PDE5A: variants seen among roughly 807,000 people sequenced by gnomAD.
The protein encoded by PDE5A is cGMP-specific 3',5'-cyclic phosphodiesterase.
PDE5A carries 67 observed loss-of-function variants against 110.2 expected under a neutral mutation model. The observed-to-expected ratio is 0.61, with a 90% CI of 0.50 to 0.75. The LOEUF (loss-of-function observed/expected upper bound fraction) is 0.75, where lower values mean the gene tolerates loss of function less well. Ranked by LOEUF, PDE5A falls within the 30% of genes least tolerant of loss-of-function variation. The pLI, the probability that PDE5A is intolerant of heterozygous loss-of-function variation, is 0.00. For missense variants in PDE5A, 862 were observed against 1,045.1 expected (o/e 0.82, Z 2.42); for synonymous variants, 328 against 351.2 (o/e 0.93, Z 0.74).
rs768513080 is a variant in PDE5A at position 119,511,027 on chromosome 4, AC to A, written c.2088+19del. Reference sequence around the variant, plus strand: ...TAAAGCTCTCTTTTAAAATTCCACAACAATAAATTAGGTACTTACTGGACTA... The same window carrying A: ...TAAAGCTCTCTTTTAAAATTCCACAAAATAAATTAGGTACTTACTGGACTA... On this transcript the variant is annotated intron_variant, in intron 15 of 20. Transcript: ENST00000354960. 1.0e-5 allele frequency: 14 copies of A among 1,341,440 alleles called. No homozygotes were observed. The highest frequency in any genetic ancestry group is 1.9e-4 in the Middle Eastern group (1 of 5,334). The allele number at this position is 1,341,440 out of a possible 1,614,324, so 83.1% of individuals were successfully genotyped here.
chr4:119,607,235 A>G lies in PDE5A; in HGVS notation c.215T>C (p.Ile72Thr), dbSNP rs1282297865. The G allele has an allele frequency of 1.9e-6, 3 of 1,613,970 alleles. No individual in the cohort carries two copies. In the Admixed American group the frequency reaches 5.0e-5, roughly 27 times the overall value. Reference protein sequence around the residue: ...VHTIPVCKEGIRGHTESCSCP... With the variant: ...VHTIPVCKEGTRGHTESCSCP... ...AGAGCAAGATTCGGTGTGGCCTCTG[A>G]TACCTTCCTTGCACACAGGGATGGT... The change falls in exon 2 of 21, where the codon ATC (isoleucine) becomes ACC (threonine). Residue 72 changes from isoleucine to threonine, a missense_variant. Transcript: ENST00000354960.
Position 119,577,312 on chromosome 4 carries a change from G to C in PDE5A, c.832-10168C>G, listed in dbSNP as rs150358528. On this transcript the variant is annotated intron_variant, in intron 3 of 20. Transcript: ENST00000354960. ...AACCATTCCAAACAACAGAAAAAGA[G>C]GGAATCCTCCCTAACTCATTTTATG... Among the ~76,000 whole-genome samples the C allele has an allele frequency of 7.7e-3, 1,173 of 152,266 alleles. 19 individuals carry two copies. The highest frequency in any genetic ancestry group is 0.027 in the African/African-American group (1,112 of 41,560).
chr4:119,627,100 C>T lies in PDE5A; in HGVS notation c.152+1420G>A. The T allele has an allele frequency of 6.2e-7, 1 of 1,606,800 alleles. No homozygotes were observed. Among genetic ancestry groups the T allele is most frequent in the South Asian group, 1.1e-5 (1 of 90,046 alleles). ...ACCACCCAGCACCCGAGACCCGCCG[C>T]GCCCCCGGAAAAAGTGGGAAGGGAC... On this transcript the variant is annotated intron_variant, in intron 1 of 20. Transcript: ENST00000354960. The surrounding 1 kb of genome is among the most constrained non-coding windows in gnomAD (Gnocchi z 4.6).
At position 119,525,935 on chromosome 4, in the gene PDE5A, C is replaced by T. The variant is rs1430459080; in HGVS notation, c.1633-240G>A. 2.6e-5 allele frequency among the ~76,000 whole-genome samples: 4 copies of T among 152,050 alleles called. No individual in the cohort carries two copies. Among genetic ancestry groups the T allele is most frequent in the Non-Finnish European group, 5.9e-5 (4 of 68,016 alleles). On this transcript the variant is annotated intron_variant, in intron 11 of 20. Transcript: ENST00000354960. This position sits in a 1 kb window ranked among gnomAD's most constrained non-coding sequence, Gnocchi z 4.3. ...CTAAGTGGAGAAAAGGGAGTTGTCACCCTTAGACTGTACCTGGAACAGTGA... is the reference window on the plus strand; with the variant it reads ...CTAAGTGGAGAAAAGGGAGTTGTCATCCTTAGACTGTACCTGGAACAGTGA...
At position 119,598,826 on chromosome 4, in the gene PDE5A, A is replaced by G. The variant is rs191450945; in HGVS notation, c.742-2214T>C. Among the ~76,000 whole-genome samples, 5 of 152,314 alleles carry G rather than the reference A, an allele frequency of 3.3e-5. No individual in the cohort carries two copies. In the East Asian group the frequency reaches 9.7e-4, roughly 29 times the overall value. On this transcript the variant is annotated intron_variant, in intron 2 of 20. Coordinates refer to ENST00000354960, the MANE Select transcript of PDE5A (RefSeq NM_001083.4). ...GAAGTGGTTGGAAAGTATAAAGCAC[A>G]GGGGCTGTGCTGGGGGGTTGGAAGG...
intron 1 of PDE5A, among the ~76,000 whole-genome samples, chr4:119,614,177 T>G (rs988866364): frequency 6.6e-6 from 1 of 150,836 alleles, no homozygotes; most frequent in Non-Finnish European, 1.5e-5. Flanking sequence ...AAAAAAAAAA[T>G]CTAACTAAAT....
At chr4:119,508,450 G>A (rs568719281) in intron 15 of PDE5A, among the ~76,000 whole-genome samples, 2 of 152,090 alleles carry the variant, frequency 1.3e-5, no homozygotes, top group South Asian at 2.1e-4. Flanking sequence ...TGTAAGTTGA[G>A]TCAGATGTGC....
chr4:119,510,899 A>T, intron 15 of PDE5A, 148 bp downstream of exon 15: 1 of 534,958 alleles, frequency 1.9e-6, no homozygotes, highest in South Asian at 3.2e-5. Flanking sequence ...TGAGGATCTC[A>T]AATGTTTTGG....
intron 14 of PDE5A, among the ~76,000 whole-genome samples, chr4:119,514,479 C>A (rs1477939682): frequency 1.8e-5 from 2 of 111,106 alleles, no homozygotes; most frequent in Non-Finnish European, 3.9e-5. Context: ...TCCCAATCAA[C>A]CTTTTTTTTT....
chr4:119,616,076 T>C (rs1729933082), intron 1 of PDE5A, among the ~76,000 whole-genome samples: 1 of 152,200 alleles, frequency 6.6e-6, no homozygotes, highest in South Asian at 2.1e-4. Context: ...CATAAATGAG[T>C]TGTATTACAT....
intron 1 of PDE5A, among the ~76,000 whole-genome samples, chr4:119,614,505 A>C (rs1248602445): frequency 6.6e-6 from 1 of 152,168 alleles, no homozygotes; most frequent in Non-Finnish European, 1.5e-5. Flanking sequence ...TATGCAGCAT[A>C]CTAGTAAGTT....
chr4:119,558,004 A>G (rs1447352187), intron 7 of PDE5A, among the ~76,000 whole-genome samples: 4 of 152,226 alleles, frequency 2.6e-5, no homozygotes, highest in African/African-American at 7.2e-5. Context: ...GCATTTGTGA[A>G]TGAACATAAA....
At chr4:119,558,960 A>G (rs1228581107) in intron 7 of PDE5A, among the ~76,000 whole-genome samples, 1 of 152,012 alleles carries the variant, frequency 6.6e-6, no homozygotes, top group Non-Finnish European at 1.5e-5. Context: ...TTTAGTTAAC[A>G]TAAGCTATTA....
At chr4:119,576,579 G>C (rs1018965260) in intron 3 of PDE5A, among the ~76,000 whole-genome samples, 2 of 152,210 alleles carry the variant, frequency 1.3e-5, no homozygotes, top group Non-Finnish European at 2.9e-5. Context: ...ATCGGCTCCT[G>C]AATGACTACT....
chr4:119,508,658 T>C (rs1308312899), intron 15 of PDE5A, among the ~76,000 whole-genome samples: 1 of 152,038 alleles, frequency 6.6e-6, no homozygotes, highest in Non-Finnish European at 1.5e-5. Context: ...ACCATAAACA[T>C]TATTTTTAAA....
intron 12 of PDE5A, among the ~76,000 whole-genome samples, chr4:119,524,625 G>A (rs1444736401): frequency 1.3e-5 from 2 of 152,092 alleles, no homozygotes; most frequent in African/African-American, 2.4e-5. Context: ...ACAACTCATC[G>A]CTGAAATGTG....
At chr4:119,610,232 C>T (rs1005795437) in intron 1 of PDE5A, among the ~76,000 whole-genome samples, 1 of 152,048 alleles carries the variant, frequency 6.6e-6, no homozygotes, top group Admixed American at 6.6e-5. Flanking sequence ...TTATGTAGCC[C>T]CCAGAATTGC....
intron 3 of PDE5A, among the ~76,000 whole-genome samples, chr4:119,568,188 A>G (rs1043031242): frequency 6.6e-6 from 1 of 152,038 alleles, no homozygotes; most frequent in Non-Finnish European, 1.5e-5. Context: ...TGTTTTTAAA[A>G]GCAGAATTAT....
Position 119,525,739 on chromosome 4 carries a change from G to C in PDE5A, c.1633-44C>G, listed in dbSNP as rs749562052. 1 of 1,566,400 alleles carries C rather than the reference G, an allele frequency of 6.4e-7. No individual in the cohort carries two copies. The highest frequency in any genetic ancestry group is 8.7e-7 in the Non-Finnish European group (1 of 1,152,118). ...AAAAAAAAAAATGCTGTTAATTAAA[G>C]CAGCAGTGATTTGCAAGGTTTTCTT... On this transcript the variant is annotated intron_variant, in intron 11 of 20. Transcript: ENST00000354960. The surrounding 1 kb of genome is among the most constrained non-coding windows in gnomAD (Gnocchi z 4.3).
Sources: allele counts gnomAD v4.1 joint callset (sites outside exome capture counted in the v4.1 genomes callset), GRCh38; gene constraint gnomAD v4.1.1; non-coding constraint Gnocchi (gnomAD v3.1); transcripts MANE v1.5; gene names NCBI Gene and HGNC (gene_info 2026-07-23, HGNC 2026-07-21).